The following ETFRF1 variants were observed in gnomAD, a reference collection of about 807,000 sequenced individuals.
ETFRF1 encodes the protein electron transfer flavoprotein regulatory factor 1, also known as LYR motif containing 5.
In ETFRF1, 12 loss-of-function variants were observed where a neutral mutation model predicts 9.0. The ratio of observed to expected loss-of-function variants is 1.34; its 90% CI spans 0.86 to 2.16. The LOEUF is 2.16. Among genes scored for constraint, ETFRF1 ranks in the 30% most tolerant of loss-of-function variants. The pLI is 0.00. For missense variants in ETFRF1, 98 were observed against 101.8 expected (o/e 0.96, Z 0.16); for synonymous variants, 34 against 33.2 (o/e 1.02, Z -0.08).
At position 25,200,007 on chromosome 12, in the gene ETFRF1, C is replaced by T. The variant is rs1322731961; in HGVS notation, c.-37-3913C>T. ...AGTGGATCACCTCAGGTCAGGAGTT[C>T]GAGACCAGCCTGGCCAACATGGTGA... On this transcript the variant is annotated intron_variant, in intron 1 of 2. Coordinates refer to ENST00000381356, the MANE Select transcript of ETFRF1 (RefSeq NM_001001660.3). 4.6e-5 allele frequency among the ~76,000 whole-genome samples: 7 copies of T among 152,194 alleles called. No homozygotes were observed. The East Asian group carries it at 1.2e-3, about 25-fold the overall frequency.
In ETFRF1 at chr12:25,195,315, T is replaced by C; in HGVS notation, c.-60T>C. ...AGAGGAGTCGTAGCGGTCGAGGCTT[T>C]TGCGGCTCCGGCGTGCCGGAAAGTG... On this transcript the variant is annotated 5_prime_UTR_variant, in exon 1 of 3. Transcript: ENST00000381356. 1 of 604,906 alleles carries C rather than the reference T, an allele frequency of 1.7e-6. No individual in the cohort carries two copies. Among genetic ancestry groups the C allele is most frequent in the Non-Finnish European group, 2.9e-6 (1 of 340,358 alleles). 37.5% of individuals were successfully genotyped at this position (604,906 alleles called of 1,614,324 possible).
chr12:25,202,917 T>TG (rs1210445716), intron 1 of ETFRF1, among the ~76,000 whole-genome samples: 1 of 152,190 alleles, frequency 6.6e-6, no homozygotes, highest in East Asian at 1.9e-4. Flanking sequence ...TATATACACT[T>TG]GCAGCTTTGT....
chr12:25,195,946 A>C (rs1462722012), intron 1 of ETFRF1: 1 of 152,236 alleles, frequency 6.6e-6, no homozygotes, highest in East Asian at 1.9e-4. Flanking sequence ...TGTTCTCCTC[A>C]AGCCCGACTG....
At chr12:25,203,504 A>C (rs1359072649) in intron 1 of ETFRF1, among the ~76,000 whole-genome samples, 1 of 152,124 alleles carries the variant, frequency 6.6e-6, no homozygotes, top group Non-Finnish European at 1.5e-5. Flanking sequence ...TTGCCTTGAG[A>C]GCAGGGTAAA....
rs187789149 is a variant in ETFRF1 at position 25,200,470 on chromosome 12, C to T, written c.-37-3450C>T. ...CACATCACTAACATTTCAAAATCTT[C>T]ATGGAGAAGATTCTGTAAGTTTCTG... On this transcript the variant is annotated intron_variant, in intron 1 of 2. Transcript: ENST00000381356. 1.7e-4 allele frequency among the ~76,000 whole-genome samples: 26 copies of T among 152,260 alleles called. 1 individual carries two copies. Among genetic ancestry groups the T allele is most frequent in the Non-Finnish European group, 3.7e-4 (25 of 68,022 alleles).
Position 25,205,013 on chromosome 12 carries a change from C to CTATT in ETFRF1, c.*703_*706dup, listed in dbSNP as rs1565876330. 4.8e-6 allele frequency: 1 copy of CTATT among 208,054 alleles called. No homozygotes were observed. The highest frequency in any genetic ancestry group is 2.3e-5 in the African/African-American group (1 of 43,908). The allele number at this position is 208,054 out of a possible 1,614,324, so 12.9% of individuals were successfully genotyped here. On this transcript the variant is annotated 3_prime_UTR_variant, in exon 3 of 3. Transcript: ENST00000381356. The stretch of plus-strand genomic sequence containing the variant: ...AAGGAAATAAATAAATAATGTTATC[C>CTATT]TATTTTTTTGTCATAAAGGCAGATT...
In ETFRF1 at chr12:25,204,502, T is replaced by C; in HGVS notation, c.*190T>C. 1 of 431,730 alleles carries C rather than the reference T, an allele frequency of 2.3e-6. No homozygotes were observed. Among genetic ancestry groups the C allele is most frequent in the Non-Finnish European group, 4.0e-6 (1 of 249,260 alleles). The allele number at this position is 431,730 out of a possible 1,614,324, so 26.7% of individuals were successfully genotyped here. A position where few individuals can be genotyped will look rare whatever the true frequency, so the allele number is the denominator to read the frequency against. ...TCAGCAACTTTATGCTCAATTTTGA[T>C]ACAAACATAGCAATTTAGCTATACT... On this transcript the variant is annotated 3_prime_UTR_variant, in exon 3 of 3. Transcript: ENST00000381356.
chr12:25,204,046 A>G, intron 2 of ETFRF1, 39 bp downstream of exon 2: 1 of 1,537,920 alleles, frequency 6.5e-7, no homozygotes, highest in Non-Finnish European at 8.8e-7. Context: ...AAATGTTATT[A>G]TATGACATGG....
intron 1 of ETFRF1, among the ~76,000 whole-genome samples, chr12:25,197,062 G>A (rs1951033367): frequency 6.6e-6 from 1 of 151,984 alleles, no homozygotes; most frequent in Non-Finnish European, 1.5e-5. Flanking sequence ...AGGCTGAGAC[G>A]GGAATCGCTT....
chr12:25,199,864 T>G (rs189792027), intron 1 of ETFRF1, among the ~76,000 whole-genome samples: 2 of 151,974 alleles, frequency 1.3e-5, no homozygotes, highest in Non-Finnish European at 1.5e-5. Context: ...AGAGCAGAAA[T>G]GAACAACTCA....
intron 1 of ETFRF1, among the ~76,000 whole-genome samples, chr12:25,203,052 T>G (rs1201298397): frequency 6.6e-6 from 1 of 152,196 alleles, no homozygotes; most frequent in Non-Finnish European, 1.5e-5. Context: ...TTAAAAGGAC[T>G]AGGTTCCTTG....
At chr12:25,197,782 CT>C (rs1951042209) in intron 1 of ETFRF1, among the ~76,000 whole-genome samples, 1 of 152,034 alleles carries the variant, frequency 6.6e-6, no homozygotes, top group African/African-American at 2.4e-5. Flanking sequence ...AAGAATCATT[CT>C]TAGTAAGATT....
In ETFRF1 at chr12:25,195,237, AC is replaced by A. The variant is rs1213145354; in HGVS notation, c.-137del. On this transcript the variant is annotated 5_prime_UTR_variant, in exon 1 of 3. It adds an upstream start codon to the 5' untranslated region. Coordinates refer to ENST00000381356, the MANE Select transcript of ETFRF1 (RefSeq NM_001001660.3). The stretch of plus-strand genomic sequence containing the variant: ...TTCCGGCCGGCGCCCCGCCCCCTTT[AC>A]TGACAGGTTGCCCACCTCCCCCAAC... The A allele has an allele frequency of 2.4e-5, 18 of 764,996 alleles. No individual in the cohort carries two copies. Among genetic ancestry groups the A allele is most frequent in the Non-Finnish European group, 1.6e-5 (7 of 444,508 alleles). The allele number at this position is 764,996 out of a possible 1,614,324, so 47.4% of individuals were successfully genotyped here. A position where few individuals can be genotyped will look rare whatever the true frequency, so the allele number is the denominator to read the frequency against.
chr12:25,201,819 A>T (rs1951075423), intron 1 of ETFRF1, among the ~76,000 whole-genome samples: 1 of 152,152 alleles, frequency 6.6e-6, no homozygotes, highest in East Asian at 1.9e-4. Flanking sequence ...AACTTAAATT[A>T]TGTAGCGCAT....
intron 1 of ETFRF1, 177 bp from the exon 2 acceptor site, chr12:25,203,743 A>T: frequency 2.6e-6 from 1 of 390,164 alleles, no homozygotes; most frequent in Middle Eastern, 6.9e-4. Context: ...CAATTATGAC[A>T]GCAGGTAATT....
intron 1 of ETFRF1, among the ~76,000 whole-genome samples, chr12:25,202,341 G>A (rs1951081489): frequency 6.6e-6 from 1 of 152,122 alleles, no homozygotes; most frequent in Non-Finnish European, 1.5e-5. Flanking sequence ...GCGAGAGAAA[G>A]GCTGGCAAGG....
Position 25,204,008 on chromosome 12 carries a change from G to GT in ETFRF1, c.51+2dup. 1 of 1,509,408 alleles carries GT rather than the reference G, an allele frequency of 6.6e-7. No individual in the cohort carries two copies. The highest frequency in any genetic ancestry group is 8.9e-7 in the Non-Finnish European group (1 of 1,129,388). The allele number at this position is 1,509,408 out of a possible 1,614,324, so 93.5% of individuals were successfully genotyped here. ...AGAAGTACTAAAACTTTATAAAAAT[G>GT]TAAGTAATTATGTTGCCAATTTTAT... On this transcript the variant is annotated splice_donor_variant, in intron 2 of 2. Transcript: ENST00000381356.
intron 1 of ETFRF1, among the ~76,000 whole-genome samples, chr12:25,201,566 T>G (rs1358563493): frequency 2.0e-5 from 3 of 152,182 alleles, no homozygotes; most frequent in Admixed American, 6.5e-5. Context: ...GTTTCATAAC[T>G]TGAATGATGG....
At chr12:25,196,258 TAC>T (rs1951001385) in intron 1 of ETFRF1, 1 of 152,238 alleles carries the variant, frequency 6.6e-6, no homozygotes, top group African/African-American at 2.4e-5. Context: ...AGCGACTTCG[TAC>T]AGAGTTCTTA....
Sources: allele counts gnomAD v4.1 joint callset (sites outside exome capture counted in the v4.1 genomes callset), GRCh38; gene constraint gnomAD v4.1.1; transcripts MANE v1.5; gene names NCBI Gene and HGNC (gene_info 2026-07-23, HGNC 2026-07-21).